The following MARS1 variants were observed in gnomAD, a reference collection of about 807,000 sequenced individuals.
The protein encoded by MARS1 is methionine--tRNA ligase, cytoplasmic.
MARS1 carries 80 observed loss-of-function variants against 119.5 expected under a neutral mutation model. That is an observed-to-expected ratio of 0.67 (90% CI 0.56 to 0.81). The LOEUF is 0.81. MARS1 is among the 30% of genes least tolerant of loss of function. The probability of loss-of-function intolerance (pLI) is 0.00; values close to 1 mark genes in which losing one functional copy is unlikely to be tolerated. For synonymous variants in MARS1, 418 were observed against 433.4 expected (o/e 0.96, Z 0.44); for missense variants, 945 against 1,116.5 (o/e 0.85, Z 2.19).
intron 7 of MARS1, among the ~76,000 whole-genome samples, chr12:57,495,361 C>T (rs556766195): frequency 5.3e-5 from 8 of 150,398 alleles, no homozygotes; most frequent in East Asian, 3.9e-4. Context: ...AGATCCCAGA[C>T]GGGGTCGCGG....
intron 1 of MARS1, chr12:57,488,403 T>C: frequency 1.4e-6 from 1 of 733,886 alleles, no homozygotes; most frequent in Non-Finnish European, 2.2e-6. Flanking sequence ...ATAATACCCT[T>C]CCCTTATCTC....
chr12:57,493,371 T>C (rs1179987181), intron 7 of MARS1, among the ~76,000 whole-genome samples: 1 of 69,588 alleles, frequency 1.4e-5, no homozygotes, highest in Admixed American at 2.5e-4. Context: ...ATATGTATAA[T>C]ATATATTATA....
intron 7 of MARS1, 98 bp downstream of exon 7, chr12:57,490,742 C>A: frequency 8.4e-5 from 53 of 627,246 alleles, no homozygotes; most frequent in Middle Eastern, 3.0e-4. Flanking sequence ...GCTGATCTCT[C>A]TTTAATTTTT....
rs191996430 is a variant in MARS1 at position 57,509,139 on chromosome 12, C to T, written c.1369-2559C>T. Among the ~76,000 whole-genome samples the T allele has an allele frequency of 1.1e-3, 160 of 152,058 alleles. 1 individual carries two copies. Among genetic ancestry groups the T allele is most frequent in the African/African-American group, 3.8e-3 (156 of 41,474 alleles). ...ATTTATTTTCATGTTCAAATTGTTA[C>T]TTATTTCATCAGTAGGAACGTATTC... is the stretch of plus-strand genomic sequence containing the variant. On this transcript the variant is annotated intron_variant, in intron 11 of 20. Coordinates refer to ENST00000262027, the MANE Select transcript of MARS1 (RefSeq NM_004990.4).
intron 9 of MARS1, among the ~76,000 whole-genome samples, chr12:57,499,338 G>A (rs1032350867): frequency 6.8e-6 from 1 of 146,708 alleles, no homozygotes; most frequent in African/African-American, 2.5e-5. Flanking sequence ...GCTCACACCT[G>A]TAATCCCAGC....
chr12:57,512,984 C>T lies in MARS1; in HGVS notation c.1967+20C>T. 6.2e-7 allele frequency: 1 copy of T among 1,603,282 alleles called. No individual in the cohort carries two copies. The highest frequency in any genetic ancestry group is 8.5e-7 in the Non-Finnish European group (1 of 1,170,270). ...CAACAGGTAGGACTTGGTAAGGGGT[C>T]AGAGTTAGCAGTGAGCTGGGGTGGG... On this transcript the variant is annotated intron_variant, in intron 15 of 20. Coordinates refer to ENST00000262027, the MANE Select transcript of MARS1 (RefSeq NM_004990.4).
rs955216640 is a variant in MARS1, at chr12:57,515,183, G to A, written c.2238G>A (p.Val746=). Residue 746 remains valine (V), a synonymous_variant, in exon 18 of 21, where the codon GTG becomes GTA. Transcript: ENST00000262027. ...QRAGTVTGLA[V]NIAALLSVML... ...CAGGAACAGTGACTGGCTTGGCAGT[G>A]AATATAGCTGCCTTGCTCTCTGTCA... is the stretch of plus-strand genomic sequence containing the variant. 2 of 1,614,100 alleles carry A rather than the reference G, an allele frequency of 1.2e-6. No individual in the cohort carries two copies. Among genetic ancestry groups the A allele is most frequent in the Admixed American group, 1.7e-5 (1 of 59,996 alleles).
At chr12:57,515,718 A>G (rs1196464752) in intron 18 of MARS1, among the ~76,000 whole-genome samples, 1 of 152,248 alleles carries the variant, frequency 6.6e-6, no homozygotes, top group Non-Finnish European at 1.5e-5. Context: ...TAGAGAGCTT[A>G]AAGAATCTTT....
chr12:57,512,651 T>C (rs754787800), intron 14 of MARS1, 100 bp from the exon 15 acceptor site: 4 of 962,196 alleles, frequency 4.2e-6, no homozygotes, highest in South Asian at 2.9e-5. Context: ...TAGACACCCA[T>C]AGTTGAGGTT....
At chr12:57,493,729 T>TATTATAATA (rs1491212210) in intron 7 of MARS1, among the ~76,000 whole-genome samples, 1 of 1,150 alleles carries the variant, frequency 8.7e-4, no homozygotes, top group African/African-American at 1.4e-3. Flanking sequence ...ATATATTATA[T>TATTATAATA]TATATAATAT....
chr12:57,503,733 G>C (rs1877046528), intron 10 of MARS1, among the ~76,000 whole-genome samples: 1 of 151,936 alleles, frequency 6.6e-6, no homozygotes, highest in Admixed American at 6.6e-5. Flanking sequence ...GTAGATACGG[G>C]GTTTCACTAT....
rs141105798 is a variant in MARS1, at chr12:57,498,240, T to C, written c.854T>C (p.Ile285Thr). Reference protein sequence around the residue: ...VNNVPHLGNIIGCVLSADVFA... With the variant: ...VNNVPHLGNITGCVLSADVFA... ...AATGTCCCCCACCTTGGGAACATCA[T>C]TGGTTGTGTGCTCAGTGCCGATGTC... is the stretch of plus-strand genomic sequence containing the variant. The change falls in exon 8 of 21, where the codon ATT becomes ACT. Residue 285 changes from isoleucine to threonine, a missense_variant. Ile to Thr is a moderately conservative substitution (Grantham distance 89). Coordinates refer to ENST00000262027, the MANE Select transcript of MARS1 (RefSeq NM_004990.4). 48 of 1,614,138 alleles carry C rather than the reference T, an allele frequency of 3.0e-5. No homozygotes were observed. The highest frequency in any genetic ancestry group is 2.0e-4 in the African/African-American group (15 of 75,034).
chr12:57,493,900 T>C (rs1215225616), intron 7 of MARS1, among the ~76,000 whole-genome samples: 1 of 59,946 alleles, frequency 1.7e-5, no homozygotes, highest in Non-Finnish European at 2.9e-5. Context: ...ATATTTATGT[T>C]ATATAATATA....
chr12:57,489,345 G>A lies in MARS1; in HGVS notation c.279G>A (p.Gln93=). 2.5e-6 allele frequency: 4 copies of A among 1,614,060 alleles called. No individual in the cohort carries two copies. The highest frequency in any genetic ancestry group is 3.4e-6 in the Non-Finnish European group (4 of 1,180,026). Residue 93 remains glutamine (Q), a splice_region_variant and synonymous_variant, in exon 3 of 21, where the codon CAG becomes CAA. Coordinates refer to ENST00000262027, the MANE Select transcript of MARS1 (RefSeq NM_004990.4). ...TGGAATGGGAAGCGACAGAGCTGCAGGTAGGACTAAGGTATGGGGGATGTC... is the reference window on the plus strand; with the variant it reads ...TGGAATGGGAAGCGACAGAGCTGCAAGTAGGACTAAGGTATGGGGGATGTC... ...QWLEWEATEL[Q]PALSAALYYL...
chr12:57,506,895 G>C (rs1260045764), intron 11 of MARS1, among the ~76,000 whole-genome samples: 1 of 144,318 alleles, frequency 6.9e-6, no homozygotes, highest in African/African-American at 2.6e-5. Context: ...GGTGTTTCTC[G>C]CAGAGGGGGA....
Position 57,488,185 on chromosome 12 carries a change from C to T in MARS1, c.95C>T (p.Thr32Ile), listed in dbSNP as rs11540809. ...GGCAGAGCAGAGGTGCTCATCAGCA[C>T]TGTAGGCCCGGAAGGTACTCGTGCT... Reference protein sequence around the residue: ...ARGRAEVLISTVGPEDCVVPF... With the variant: ...ARGRAEVLISIVGPEDCVVPF... The change falls in exon 1 of 21, where the codon ACT becomes ATT. Residue 32 changes from threonine (T) to isoleucine (I), a missense_variant. Thr to Ile is a moderately conservative substitution (Grantham distance 89). Transcript: ENST00000262027. The T allele has an allele frequency of 1.2e-6, 2 of 1,613,270 alleles. No homozygotes were observed. Among genetic ancestry groups the T allele is most frequent in the Non-Finnish European group, 1.7e-6 (2 of 1,179,466 alleles).
intron 18 of MARS1, chr12:57,515,542 A>G: frequency 1.7e-6 from 1 of 597,954 alleles, no homozygotes; most frequent in Non-Finnish European, 2.9e-6. Flanking sequence ...AGAACCTGGC[A>G]CACAAAACTA....
chr12:57,507,757 AC>A (rs1270346397), intron 11 of MARS1, among the ~76,000 whole-genome samples: 2 of 103,612 alleles, frequency 1.9e-5, no homozygotes, highest in East Asian at 3.1e-4. Context: ...GCGGGGGCTG[AC>A]CCCCCACCTC....
At position 57,498,590 on chromosome 12, in the gene MARS1, T is replaced by C. The variant is rs745313678; in HGVS notation, c.1058T>C (p.Ile353Thr). 6.2e-6 allele frequency: 10 copies of C among 1,614,122 alleles called. No individual in the cohort carries two copies. The highest frequency in any genetic ancestry group is 7.6e-6 in the Non-Finnish European group (9 of 1,179,988). The stretch of plus-strand genomic sequence containing the variant: ...CGCTGGTTTAACATTTCGTTTGATA[T>C]TTTTGGTCGCACCACCACTCCACAG... Reference protein sequence around the residue: ...IYRWFNISFDIFGRTTTPQQT... With the variant: ...IYRWFNISFDTFGRTTTPQQT... The change falls in exon 9 of 21, where the codon ATT becomes ACT. Residue 353 changes from isoleucine (I) to threonine (T), a missense_variant. Physicochemically the swap from Ile to Thr is moderately conservative, Grantham distance 89. Transcript: ENST00000262027.
Sources: gnomAD v4.1 joint callset for allele counts (sites outside exome capture counted in the v4.1 genomes callset) on GRCh38, gnomAD v4.1.1 for gene constraint, MANE v1.5 for transcripts, NCBI Gene and HGNC (gene_info 2026-07-23, HGNC 2026-07-21) for gene names.